ADAP1: variants seen among roughly 807,000 people sequenced by gnomAD.
ADAP1 encodes arf-GAP with dual PH domain-containing protein 1.
In ADAP1, 31 loss-of-function variants were observed where a neutral mutation model predicts 54.9. The ratio of observed to expected loss-of-function variants is 0.56; its 90% CI spans 0.42 to 0.76. The LOEUF is 0.76. ADAP1 is among the 30% of genes least tolerant of loss of function. The pLI is 0.00. For synonymous variants in ADAP1, 313 were observed against 202.6 expected (o/e 1.55, Z -4.63); for missense variants, 535 against 512.4 (o/e 1.04, Z -0.42).
chr7:922,700 C>T (rs1273027843), intron 3 of ADAP1, among the ~76,000 whole-genome samples: 2 of 152,052 alleles, frequency 1.3e-5, no homozygotes, highest in East Asian at 1.9e-4. Context: ...CGAAAGTGAC[C>T]CCCCAGGGCC....
Position 943,468 on chromosome 7 carries a change from A to T in ADAP1, c.83-7963T>A, listed in dbSNP as rs1488290603. Among the ~76,000 whole-genome samples the T allele has an allele frequency of 0.012, 14 of 1,124 alleles. 1 individual carries two copies. The East Asian group carries it at 0.13, about 11-fold the overall frequency. The allele number at this position is 1,124 out of a possible 152,430, so 0.7% of individuals were successfully genotyped here. A position where few individuals can be genotyped will look rare whatever the true frequency, so the allele number is the denominator to read the frequency against. Reference sequence around the variant, plus strand: ...AGGAAGGGAGCGAGGAGGAAGGGAGAGAGGAGGAAGGGAGAGAGGAGGAAG... The same window carrying T: ...AGGAAGGGAGCGAGGAGGAAGGGAGTGAGGAGGAAGGGAGAGAGGAGGAAG... On this transcript the variant is annotated intron_variant, in intron 1 of 10. Coordinates refer to ENST00000265846, the MANE Select transcript of ADAP1 (RefSeq NM_006869.4).
chr7:903,877 G>A (rs1844949095), intron 6 of ADAP1: 3 of 456,296 alleles, frequency 6.6e-6, no homozygotes, highest in Non-Finnish European at 1.2e-5. Flanking sequence ...CCGGCTCCTG[G>A]GCAGCCCGGC....
intron 6 of ADAP1, chr7:901,438 CCCT>C (rs1844808603): frequency 5.6e-6 from 1 of 179,534 alleles, no homozygotes; most frequent in African/African-American, 2.4e-5. Flanking sequence ...GGAGCCCCAT[CCCT>C]CCTCAGGCTT....
rs1304617220 is a variant in ADAP1, at chr7:920,412, C to A, written c.306-362G>T. On this transcript the variant is annotated intron_variant, in intron 3 of 10. Coordinates refer to ENST00000265846, the MANE Select transcript of ADAP1 (RefSeq NM_006869.4). The surrounding 1 kb of genome is among the most constrained non-coding windows in gnomAD (Gnocchi z 4.5). The stretch of plus-strand genomic sequence containing the variant: ...GGGGTTGAGCCAGGCCCCCCCACCC[C>A]GAGTCACACGCCCCTGGGCCCTCCC... Among the ~76,000 whole-genome samples the A allele has an allele frequency of 6.6e-6, 1 of 151,812 alleles. No homozygotes were observed. Among genetic ancestry groups the A allele is most frequent in the East Asian group, 1.9e-4 (1 of 5,156 alleles).
At chr7:907,029 C>T (rs979411689) in intron 4 of ADAP1, among the ~76,000 whole-genome samples, 5 of 152,074 alleles carry the variant, frequency 3.3e-5, no homozygotes, top group Admixed American at 6.5e-5. Flanking sequence ...TCGTGCTGCC[C>T]GGGAGGACCA....
intron 4 of ADAP1, among the ~76,000 whole-genome samples, chr7:908,564 C>T (rs1207461882): frequency 1.3e-5 from 2 of 152,220 alleles, no homozygotes; most frequent in South Asian, 2.1e-4. Context: ...ACTGTGAGAG[C>T]GAGGCCACCA....
chr7:904,453 C>G (rs1011961827), intron 5 of ADAP1, among the ~76,000 whole-genome samples, 181 bp from the exon 6 acceptor site: 9 of 152,216 alleles, frequency 5.9e-5, no homozygotes, highest in Non-Finnish European at 1.2e-4. Flanking sequence ...CAGCACCTCC[C>G]TCCCAGGAGT....
chr7:904,141 G>A lies in ADAP1; in HGVS notation c.633C>T (p.Tyr211=), dbSNP rs746997218. 1.2e-6 allele frequency: 2 copies of A among 1,612,562 alleles called. No individual in the cohort carries two copies. Among genetic ancestry groups the A allele is most frequent in the South Asian group, 1.1e-5 (1 of 91,080 alleles). ...KDNSTRNIFI[Y]HEDGKEIVDW... ...CAGCACCCACCTTCCCGTCCTCATG[G>A]TAGATGAAGATGTTACGGGTGCTGT... Residue 211 remains tyrosine (Y), a synonymous_variant, in exon 6 of 11, where the codon TAC becomes TAT. Transcript: ENST00000265846.
At chr7:905,279 C>CACG in intron 4 of ADAP1, 107 bp from the exon 5 acceptor site, 1 of 342,348 alleles carries the variant, frequency 2.9e-6, no homozygotes, top group South Asian at 2.4e-5. Flanking sequence ...ACACGGGGGA[C>CACG]ACGGACGGGG....
chr7:923,438 A>T (rs1212169580), intron 3 of ADAP1: 1 of 151,816 alleles, frequency 6.6e-6, no homozygotes, highest in Non-Finnish European at 1.5e-5. Flanking sequence ...AAGTAAAACC[A>T]AGCAGAGCGG....
Position 900,629 on chromosome 7 carries a change from G to GC in ADAP1, c.649-14_649-13insG, listed in dbSNP as rs768456961. ...AGTCCACAATCTCCTAGGGGCAAAG[G>GC]TGGGCACAGGCTTGGGCTGAGGAGG... On this transcript the variant is annotated splice_polypyrimidine_tract_variant and intron_variant, in intron 6 of 10. Transcript: ENST00000265846. 32 of 1,594,628 alleles carry GC rather than the reference G, an allele frequency of 2.0e-5. No individual in the cohort carries two copies. The highest frequency in any genetic ancestry group is 1.7e-4 in the Admixed American group (10 of 57,934).
Position 935,474 on chromosome 7 carries a change from G to A in ADAP1, c.114C>T (p.Val38=), listed in dbSNP as rs1338947194. The A allele has an allele frequency of 1.3e-6, 2 of 1,563,302 alleles. No individual in the cohort carries two copies. Among genetic ancestry groups the A allele is most frequent in the East Asian group, 2.4e-5 (1 of 41,762 alleles). ...DPDWASYTLG[V]FICLSCSGIH... ...TTCCCGAGCAGCTCAGGCAGATGAA[G>A]ACGCCCAGAGTGTAGGAGGCCCAGT... The change falls in exon 2 of 11, where the codon GTC becomes GTT. Residue 38 remains valine (V), a synonymous_variant. Transcript: ENST00000265846.
chr7:936,887 C>G (rs949985307), intron 1 of ADAP1, among the ~76,000 whole-genome samples: 4 of 152,270 alleles, frequency 2.6e-5, no homozygotes, highest in Non-Finnish European at 5.9e-5. Context: ...CCCCTCCCAA[C>G]GCTGATCGGG....
At position 920,777 on chromosome 7, in the gene ADAP1, G is replaced by A. The variant is rs763164797; in HGVS notation, c.306-727C>T. The A allele has an allele frequency of 3.2e-6, 5 of 1,548,894 alleles. No homozygotes were observed. In the African/African-American group the frequency reaches 6.8e-5, roughly 21 times the overall value. On this transcript the variant is annotated intron_variant, in intron 3 of 10. Coordinates refer to ENST00000265846, the MANE Select transcript of ADAP1 (RefSeq NM_006869.4). This position sits in a 1 kb window ranked among gnomAD's most constrained non-coding sequence, Gnocchi z 4.5. ...CCACCACGGCCTCCCCATCCACCGT[G>A]ACTCACTCGAGTGAAGCCAATACCA... is the stretch of plus-strand genomic sequence containing the variant.
rs1318520160 is a variant in ADAP1 at position 946,895 on chromosome 7, A to G, written c.82+7501T>C. Among the ~76,000 whole-genome samples, 2 of 152,228 alleles carry G rather than the reference A, an allele frequency of 1.3e-5. No individual in the cohort carries two copies. Among genetic ancestry groups the G allele is most frequent in the Admixed American group, 6.5e-5 (1 of 15,286 alleles). On this transcript the variant is annotated intron_variant, in intron 1 of 10. Coordinates refer to ENST00000265846, the MANE Select transcript of ADAP1 (RefSeq NM_006869.4). This position sits in a 1 kb window ranked among gnomAD's most constrained non-coding sequence, Gnocchi z 4.3. ...TCACGCCTGCAATCTCAGCACCTGG[A>G]GAGGCCAAGGTGAACGGGTGGAGCC...
intron 4 of ADAP1, among the ~76,000 whole-genome samples, chr7:916,182 G>A (rs1845926883): frequency 6.6e-6 from 1 of 152,202 alleles, no homozygotes. Flanking sequence ...TTTCCTGGCA[G>A]CCCGGGAGAG....
intron 1 of ADAP1, among the ~76,000 whole-genome samples, chr7:951,867 T>A (rs1291222200): frequency 6.6e-6 from 1 of 152,204 alleles, no homozygotes; most frequent in African/African-American, 2.4e-5. Context: ...TGGAGTGTGA[T>A]CACGACTCAC....
intron 5 of ADAP1, 145 bp downstream of exon 5, chr7:904,915 C>G (rs1583124949): frequency 1.4e-6 from 1 of 717,716 alleles, no homozygotes; most frequent in South Asian, 1.7e-5. Flanking sequence ...CAGCCCAACA[C>G]AGGCCGGTTC....
At chr7:949,469 G>A (rs1023964002) in intron 1 of ADAP1, among the ~76,000 whole-genome samples, 7 of 152,262 alleles carry the variant, frequency 4.6e-5, no homozygotes, top group African/African-American at 1.7e-4. Context: ...GTCTAAAACG[G>A]CAGTGGCCTA....
Sources: gnomAD v4.1 joint callset for allele counts (sites outside exome capture counted in the v4.1 genomes callset) on GRCh38, gnomAD v4.1.1 for gene constraint, Gnocchi (gnomAD v3.1) non-coding constraint, MANE v1.5 for transcripts, NCBI Gene and HGNC (gene_info 2026-07-23, HGNC 2026-07-21) for gene names.